Variants in RNLS observed in about 807,000 individuals in gnomAD.
The protein encoded by RNLS is renalase, FAD dependent amine oxidase, also known as renalase.
RNLS carries 39 observed loss-of-function variants against 39.8 expected under a neutral mutation model. The observed-to-expected ratio is 0.98, with a 90% CI of 0.76 to 1.28. The LOEUF (loss-of-function observed/expected upper bound fraction) is 1.28. Ranked by LOEUF, RNLS falls within the 50% of genes most tolerant of loss-of-function variation. The pLI is 0.00. For synonymous variants in RNLS, 147 were observed against 150.7 expected (o/e 0.98, Z 0.18); for missense variants, 410 against 413.3 (o/e 0.99, Z 0.07).
chr10:88,577,353 A>G (rs991259998), intron 3 of RNLS, among the ~76,000 whole-genome samples: 1 of 152,192 alleles, frequency 6.6e-6, no homozygotes, highest in Non-Finnish European at 1.5e-5. Context: ...AGCACCTCTC[A>G]TTGCCCTCCA....
In RNLS at chr10:88,378,249, A is replaced by AT. The variant is rs1160652347; in HGVS notation, c.527-15525dup. On this transcript the variant is annotated intron_variant, in intron 4 of 6. Transcript: ENST00000331772. ...CTAAGAAGTACACTCTAAAATAATG[A>AT]TAAAAAATATGGTATTGGAGCTCAG... 5.3e-4 allele frequency among the ~76,000 whole-genome samples: 81 copies of AT among 152,152 alleles called. 1 individual carries two copies. Among genetic ancestry groups the AT allele is most frequent in the East Asian group, 1.9e-4 (1 of 5,200 alleles).
intron 4 of RNLS, among the ~76,000 whole-genome samples, chr10:88,366,791 C>G (rs1183344610): frequency 6.6e-6 from 1 of 150,868 alleles, no homozygotes; most frequent in Non-Finnish European, 1.5e-5. Context: ...GGAGAGTAAC[C>G]TTTAGTAACC....
At chr10:88,447,994 T>C (rs955744698) in intron 4 of RNLS, among the ~76,000 whole-genome samples, 17 of 152,182 alleles carry the variant, frequency 1.1e-4, no homozygotes, top group Non-Finnish European at 2.1e-4. Flanking sequence ...TTACACCTTA[T>C]ACAAAAATTA....
intron 4 of RNLS, among the ~76,000 whole-genome samples, chr10:88,480,217 G>T (rs190921136): frequency 6.6e-6 from 1 of 152,116 alleles, no homozygotes; most frequent in Non-Finnish European, 1.5e-5. Flanking sequence ...CATATTCCAC[G>T]TTCCTTTACC....
At position 88,284,229 on chromosome 10, in the gene RNLS, A is replaced by G; in HGVS notation, c.*1125T>C. 6 of 985,374 alleles carry G rather than the reference A, an allele frequency of 6.1e-6. No individual in the cohort carries two copies. The highest frequency in any genetic ancestry group is 7.2e-6 in the Non-Finnish European group (6 of 829,890). The allele number at this position is 985,374 out of a possible 1,614,324, so 61.0% of individuals were successfully genotyped here. A position where few individuals can be genotyped will look rare whatever the true frequency, so the allele number is the denominator to read the frequency against. On this transcript the variant is annotated 3_prime_UTR_variant, in exon 7 of 7. Coordinates refer to ENST00000331772, the MANE Select transcript of RNLS (RefSeq NM_001031709.3). Reference sequence around the variant, plus strand: ...CTGTGCCTGTGTATGTGTATGTATGACAGTGGACATGTAAGTGTGAAACTT... The same window carrying G: ...CTGTGCCTGTGTATGTGTATGTATGGCAGTGGACATGTAAGTGTGAAACTT...
At chr10:88,441,651 C>T (rs186250557) in intron 4 of RNLS, among the ~76,000 whole-genome samples, 4 of 152,256 alleles carry the variant, frequency 2.6e-5, no homozygotes, top group East Asian at 3.9e-4. Context: ...GCAGGCATAG[C>T]AGTGAGGGCT....
the RNLS span, among the ~76,000 whole-genome samples, chr10:88,216,403 T>C: frequency 1.3e-5 from 2 of 152,238 alleles, no homozygotes; most frequent in African/African-American, 4.8e-5. Flanking sequence ...ATCTTTCATC[T>C]CTGATTTTGT....
chr10:88,467,378 C>T (rs1194294447), intron 4 of RNLS, among the ~76,000 whole-genome samples: 1 of 152,048 alleles, frequency 6.6e-6, no homozygotes, highest in Non-Finnish European at 1.5e-5. Flanking sequence ...CAGGAAAGAA[C>T]TCCTGCCTGC....
chr10:88,250,151 T>C, the RNLS span, among the ~76,000 whole-genome samples: 2 of 152,230 alleles, frequency 1.3e-5, no homozygotes, highest in African/African-American at 4.8e-5. Flanking sequence ...ATAAACTGTG[T>C]TCTAATCACT....
intron 3 of RNLS, among the ~76,000 whole-genome samples, chr10:88,576,184 T>G (rs1850196241): frequency 1.3e-5 from 2 of 152,328 alleles, no homozygotes; most frequent in African/African-American, 2.4e-5. Flanking sequence ...TTAACATTTA[T>G]CATGCATCTT....
intron 5 of RNLS, among the ~76,000 whole-genome samples, chr10:88,322,612 C>T (rs1846268003): frequency 6.6e-6 from 1 of 152,166 alleles, no homozygotes; most frequent in South Asian, 2.1e-4. Context: ...CTGGGGCCTT[C>T]CCAGCCATGC....
At chr10:88,322,554 G>T (rs1190964118) in intron 5 of RNLS, among the ~76,000 whole-genome samples, 2 of 152,154 alleles carry the variant, frequency 1.3e-5, no homozygotes, top group African/African-American at 4.8e-5. Context: ...CTCATGTGCT[G>T]CCATGTAAGA....
At chr10:88,470,883 G>A (rs1039025705) in intron 4 of RNLS, among the ~76,000 whole-genome samples, 1 of 152,044 alleles carries the variant, frequency 6.6e-6, no homozygotes, top group Non-Finnish European at 1.5e-5. Context: ...CAAAGTGCTG[G>A]GATTACAGGT....
At chr10:88,229,651 C>T in the RNLS span, among the ~76,000 whole-genome samples, 1 of 117,646 alleles carries the variant, frequency 8.5e-6, no homozygotes, top group Non-Finnish European at 1.9e-5. Flanking sequence ...ACCCTTTGTC[C>T]ATTAACAATC....
chr10:88,516,401 A>T (rs901306420), intron 4 of RNLS, among the ~76,000 whole-genome samples: 14 of 152,176 alleles, frequency 9.2e-5, no homozygotes, highest in Admixed American at 2.6e-4. Context: ...TGTTCTTTAG[A>T]TTATAATGTG....
chr10:88,383,906 T>C (rs1289452717), intron 4 of RNLS, among the ~76,000 whole-genome samples: 1 of 152,150 alleles, frequency 6.6e-6, no homozygotes, highest in Non-Finnish European at 1.5e-5. Flanking sequence ...TTGATTCTGA[T>C]GATAGGAAGC....
intron 4 of RNLS, among the ~76,000 whole-genome samples, chr10:88,368,019 C>T (rs1329712177): frequency 6.6e-6 from 1 of 151,422 alleles, no homozygotes; most frequent in Non-Finnish European, 1.5e-5. Flanking sequence ...TTATTTTTTT[C>T]ATTTATAGTT....
At chr10:88,356,666 T>C (rs10788592) in intron 5 of RNLS, among the ~76,000 whole-genome samples, 43,921 of 152,214 alleles carry the variant, frequency 0.29, 8,077 homozygotes, top group African/African-American at 0.52. Context: ...GGATAAATTC[T>C]ATGAATACAT....
intron 4 of RNLS, among the ~76,000 whole-genome samples, chr10:88,483,154 C>T (rs1844296321): frequency 6.6e-6 from 1 of 152,154 alleles, no homozygotes; most frequent in Non-Finnish European, 1.5e-5. Context: ...CATTCATCCT[C>T]TGGAAGCTTT....
Sources: allele counts gnomAD v4.1 joint callset (sites outside exome capture counted in the v4.1 genomes callset), GRCh38; gene constraint gnomAD v4.1.1; transcripts MANE v1.5; gene names NCBI Gene and HGNC (gene_info 2026-07-23, HGNC 2026-07-21).